The following KIAA0930 variants were observed in gnomAD, a reference collection of about 807,000 sequenced individuals.
KIAA0930 encodes uncharacterized protein KIAA0930.
In KIAA0930, 24 loss-of-function variants were observed where a neutral mutation model predicts 43.9. That is an observed-to-expected ratio of 0.55 (90% CI 0.40 to 0.77). The LOEUF is 0.77. Among genes scored for constraint, KIAA0930 ranks in the 30% least tolerant of loss-of-function variants. The pLI is 0.00. For synonymous variants in KIAA0930, 259 were observed against 216.4 expected, an observed-to-expected ratio of 1.20 and a Z score of -1.73; for missense variants, 461 against 574.2, an observed-to-expected ratio of 0.80 and a Z score of 2.02.
At chr22:45,198,402 G>C (rs986330194) in intron 8 of KIAA0930, among the ~76,000 whole-genome samples, 80 of 152,230 alleles carry the variant, frequency 5.3e-4, no homozygotes, top group Admixed American at 1.9e-3. Flanking sequence ...CTAGGGCAGT[G>C]ATCAGTACTT....
At chr22:45,237,244 C>T (rs779675963) in intron 1 of KIAA0930, among the ~76,000 whole-genome samples, 18 of 152,328 alleles carry the variant, frequency 1.2e-4, no homozygotes, top group South Asian at 1.0e-3. Context: ...TCCGGGCAGC[C>T]GCAGCCCCAC....
chr22:45,212,201 C>A, intron 1 of KIAA0930, 94 bp from the exon 2 acceptor site: 1 of 1,613,300 alleles, frequency 6.2e-7, no homozygotes, highest in Non-Finnish European at 8.5e-7. Flanking sequence ...CCCCACATTT[C>A]TGGCCAGAAA....
intron 2 of KIAA0930, among the ~76,000 whole-genome samples, chr22:45,210,434 C>A (rs529465795): frequency 3.3e-5 from 5 of 152,134 alleles, no homozygotes; most frequent in African/African-American, 1.2e-4. Context: ...CACCATCCAC[C>A]CCCCTGCCAA....
Position 45,228,773 on chromosome 22 carries a change from A to AACCACCAC in KIAA0930, c.64+11866_64+11867insGTGGTGGT, listed in dbSNP as rs1491236024. Among the ~76,000 whole-genome samples the AACCACCAC allele has an allele frequency of 3.3e-3, 79 of 23,650 alleles. 8 individuals carry two copies. The highest frequency in any genetic ancestry group is 4.1e-3 in the Non-Finnish European group (54 of 13,240). The allele number at this position is 23,650 out of a possible 152,430, so 15.5% of individuals were successfully genotyped here. A position where few individuals can be genotyped will look rare whatever the true frequency, so the allele number is the denominator to read the frequency against. On this transcript the variant is annotated intron_variant, in intron 1 of 9. Transcript: ENST00000336156. ...CCACTCACCCGAAAGATCCCTCCCC[A>AACCACCAC]TCCCCCCCAACCACCAAACACTCAC...
intron 7 of KIAA0930, chr22:45,200,940 GAGT>G (rs2083582985): frequency 2.0e-6 from 1 of 493,174 alleles, no homozygotes; most frequent in East Asian, 6.0e-5. Flanking sequence ...CTTGAAGGAC[GAGT>G]AGGAGTTCGC....
chr22:45,209,100 C>G (rs899619853), intron 2 of KIAA0930, among the ~76,000 whole-genome samples: 3 of 152,230 alleles, frequency 2.0e-5, no homozygotes, highest in Non-Finnish European at 2.9e-5. Flanking sequence ...CCCTGGAGCA[C>G]TCGGGGTTCC....
intron 7 of KIAA0930, 45 bp from the exon 8 acceptor site, chr22:45,200,080 C>CT (rs1434763411): frequency 6.5e-7 from 1 of 1,535,898 alleles, no homozygotes; most frequent in South Asian, 1.2e-5. Context: ...GAACAGCCCC[C>CT]TCCCCGGGGG....
chr22:45,229,445 G>A (rs368130869), intron 1 of KIAA0930, among the ~76,000 whole-genome samples: 420 of 151,214 alleles, frequency 2.8e-3, no homozygotes, highest in African/African-American at 9.8e-3. Context: ...TGGTGCGAGG[G>A]ATGAAAAGTC....
chr22:45,234,626 C>T (rs2083875462), intron 1 of KIAA0930, among the ~76,000 whole-genome samples: 1 of 152,224 alleles, frequency 6.6e-6, no homozygotes, highest in African/African-American at 2.4e-5. Context: ...AGGTGGCCAG[C>T]TTAAAGACAT....
rs531611173 is a variant in KIAA0930, at chr22:45,218,097, G to T, written c.65-5990C>A. ...CAGCACCAAGAGCTCAACAGTGCTG[G>T]TTTCAGGAGCGAGGAACGTGATGAC... On this transcript the variant is annotated intron_variant, in intron 1 of 9. Transcript: ENST00000336156. 5.9e-5 allele frequency among the ~76,000 whole-genome samples: 9 copies of T among 152,300 alleles called. 1 individual carries two copies. The South Asian group carries it at 1.7e-3, about 28-fold the overall frequency.
In KIAA0930 at chr22:45,205,248, T is replaced by G; in HGVS notation, c.485A>C (p.Asn162Thr). The G allele has an allele frequency of 6.2e-7, 1 of 1,614,062 alleles. No homozygotes were observed. Among genetic ancestry groups the G allele is most frequent in the Non-Finnish European group, 8.5e-7 (1 of 1,179,942 alleles). The change falls in exon 5 of 10, where the codon AAC becomes ACC. Residue 162 changes from asparagine (N) to threonine (T), a missense_variant. Asn to Thr is a moderately conservative substitution (Grantham distance 65, BLOSUM62 0). Coordinates refer to ENST00000336156, the MANE Select transcript of KIAA0930 (RefSeq NM_001009880.2). Reference protein sequence around the residue: ...KGEESKISYPNIFFMIDSFEE... With the variant: ...KGEESKISYPTIFFMIDSFEE... Reference sequence around the variant, plus strand: ...GAAGCTGTCAATCATGAAGAAGATGTTGGGGTAGCTGATCTTGGACTCCTC... The same window carrying G: ...GAAGCTGTCAATCATGAAGAAGATGGTGGGGTAGCTGATCTTGGACTCCTC...
intron 2 of KIAA0930, among the ~76,000 whole-genome samples, chr22:45,209,619 C>T (rs867607050): frequency 2.6e-5 from 4 of 152,196 alleles, no homozygotes; most frequent in African/African-American, 7.2e-5. Flanking sequence ...CCCCCACCAC[C>T]GCCGCCCTGC....
chr22:45,198,039 ACT>A (rs1230468715), intron 8 of KIAA0930, 91 bp from the exon 9 acceptor site: 8 of 1,356,716 alleles, frequency 5.9e-6, no homozygotes, highest in African/African-American at 4.3e-5. Context: ...CTGAGGCCAA[ACT>A]CTGCTGAGGC....
At chr22:45,235,949 G>A (rs1324204168) in intron 1 of KIAA0930, among the ~76,000 whole-genome samples, 2 of 152,226 alleles carry the variant, frequency 1.3e-5, no homozygotes, top group South Asian at 4.1e-4. Context: ...GTTGGGGGAG[G>A]TGAAGGGTGC....
At chr22:45,239,708 GGCTGACA>G (rs1294141520) in intron 1 of KIAA0930, among the ~76,000 whole-genome samples, 1 of 152,194 alleles carries the variant, frequency 6.6e-6, no homozygotes, top group East Asian at 1.9e-4. Flanking sequence ...GAATCTGGAA[GGCTGACA>G]TTCCGTACTC....
At chr22:45,211,829 CAATA>C in intron 2 of KIAA0930, 123 bp downstream of exon 2, 3 of 955,584 alleles carry the variant, frequency 3.1e-6, no homozygotes, top group Non-Finnish European at 4.8e-6. Context: ...AGTAGGTGCT[CAATA>C]AATATCACTC....
chr22:45,235,679 T>C (rs978986032), intron 1 of KIAA0930, among the ~76,000 whole-genome samples: 6 of 152,218 alleles, frequency 3.9e-5, no homozygotes, highest in African/African-American at 1.2e-4. Context: ...CAGCCTGGAC[T>C]GCACCCGACT....
rs112117829 is a variant in KIAA0930, at chr22:45,223,361, G to A, written c.65-11254C>T. ...GACTCCAATGCTTGCTGGAGCCTGC[G>A]GAAGAGAAGGGAGGTGAGGAAGCCA... On this transcript the variant is annotated intron_variant, in intron 1 of 9. Coordinates refer to ENST00000336156, the MANE Select transcript of KIAA0930 (RefSeq NM_001009880.2). Among the ~76,000 whole-genome samples the A allele has an allele frequency of 5.9e-5, 9 of 152,358 alleles. 1 individual carries two copies. Among genetic ancestry groups the A allele is most frequent in the African/African-American group, 1.2e-4 (5 of 41,582 alleles).
intron 8 of KIAA0930, 68 bp from the exon 9 acceptor site, chr22:45,198,016 C>CT (rs2083553270): frequency 6.5e-7 from 1 of 1,541,392 alleles, no homozygotes; most frequent in South Asian, 1.1e-5. Context: ...AGGAGGCCAG[C>CT]TCCCAGTCCA....
Sources: gnomAD v4.1 joint callset for allele counts (sites outside exome capture counted in the v4.1 genomes callset) on GRCh38, gnomAD v4.1.1 for gene constraint, MANE v1.5 for transcripts, NCBI Gene and HGNC (gene_info 2026-07-23, HGNC 2026-07-21) for gene names.